Variants in CETP observed in about 807,000 individuals in gnomAD.
The protein encoded by CETP is cholesteryl ester transfer protein.
In CETP, 56 loss-of-function variants were observed where a neutral mutation model predicts 66.5. The observed-to-expected ratio is 0.84, with a 90% CI of 0.68 to 1.05. The LOEUF (loss-of-function observed/expected upper bound fraction) is 1.05. Ranked by LOEUF, CETP falls within the 50% of genes least tolerant of loss-of-function variation. The pLI, the probability that CETP is intolerant of heterozygous loss-of-function variation, is 0.00. For missense variants in CETP, 612 were observed against 609.6 expected, an observed-to-expected ratio of 1.00 and a Z score of -0.04; for synonymous variants, 251 against 245.7, an observed-to-expected ratio of 1.02 and a Z score of -0.20.
At chr16:56,981,991 G>A (rs1021775252) in intron 13 of CETP, among the ~76,000 whole-genome samples, 174 bp from the exon 14 acceptor site, 6 of 152,192 alleles carry the variant, frequency 3.9e-5, no homozygotes, top group Admixed American at 3.3e-4. Flanking sequence ...TCCCCAGGGC[G>A]AAGGAAAGAC....
At chr16:56,968,734 T>C in intron 2 of CETP, among the ~76,000 whole-genome samples, 1 of 152,058 alleles carries the variant, frequency 6.6e-6, no homozygotes, top group Middle Eastern at 3.4e-3. Flanking sequence ...TTCTTCTTTT[T>C]TTTTTTTTTT....
At position 56,974,379 on chromosome 16, in the gene CETP, G is replaced by A. The variant is rs535984455; in HGVS notation, c.931-722G>A. Among the ~76,000 whole-genome samples the A allele has an allele frequency of 5.9e-5, 9 of 152,298 alleles. No individual in the cohort carries two copies. The South Asian group carries it at 1.4e-3, about 25-fold the overall frequency. ...AGGGAGGATCACTTGAGCCCAAGAGGTTGAGGCTGCAGTGAGCTATGATGG... is the reference window on the plus strand; with the variant it reads ...AGGGAGGATCACTTGAGCCCAAGAGATTGAGGCTGCAGTGAGCTATGATGG... On this transcript the variant is annotated intron_variant, in intron 9 of 15. Transcript: ENST00000200676.
intron 11 of CETP, among the ~76,000 whole-genome samples, chr16:56,980,100 C>T (rs754473805): frequency 2.6e-5 from 4 of 152,210 alleles, no homozygotes; most frequent in South Asian, 2.1e-4. Flanking sequence ...AGTGTCATAG[C>T]GGAGAGATTA....
At chr16:56,981,415 A>C (rs561418855) in intron 12 of CETP, among the ~76,000 whole-genome samples, 190 bp downstream of exon 12, 1 of 47,106 alleles carries the variant, frequency 2.1e-5, no homozygotes, top group Non-Finnish European at 6.4e-5. Flanking sequence ...CTCCAGGAAG[A>C]ATGGAGGGCT....
At chr16:56,973,628 A>T in intron 9 of CETP, 118 bp downstream of exon 9, 1 of 1,130,276 alleles carries the variant, frequency 8.8e-7, no homozygotes, top group East Asian at 2.6e-5. Context: ...AAAAGAACTA[A>T]GCTGGAGCAA....
rs766986850 is a variant in CETP at position 56,962,094 on chromosome 16, G to T, written c.115G>T (p.Val39Leu). 4 of 1,612,950 alleles carry T rather than the reference G, an allele frequency of 2.5e-6. No individual in the cohort carries two copies. Among genetic ancestry groups the T allele is most frequent in the Non-Finnish European group, 2.5e-6 (3 of 1,179,054 alleles). ...VCRITKPALL[V>L]LNHETAKVIQ... ...CCGCATCACCAAGCCTGCCCTCCTGGTGTGTAAGTATCAGTGCATCTGTCT... is the reference window on the plus strand; with the variant it reads ...CCGCATCACCAAGCCTGCCCTCCTGTTGTGTAAGTATCAGTGCATCTGTCT... The change falls in exon 1 of 16, where the codon GTG becomes TTG. Residue 39 changes from valine to leucine, a missense_variant. Val to Leu is a conservative substitution (Grantham distance 32, BLOSUM62 1). Transcript: ENST00000200676.
chr16:56,972,363 C>T (rs1228230458), intron 8 of CETP, among the ~76,000 whole-genome samples: 5 of 147,704 alleles, frequency 3.4e-5, no homozygotes, highest in Non-Finnish European at 7.5e-5. Flanking sequence ...CGGCTTCTGT[C>T]ATCCTCTACA....
rs183439140 is a variant in CETP at position 56,976,116 on chromosome 16, C to T, written c.981+965C>T. ...TGTCTGAGTCCTGTTCCTTTGATGT[C>T]CTATTTCTAGTCTTTCCATTTCTCT... On this transcript the variant is annotated intron_variant, in intron 10 of 15. Transcript: ENST00000200676. Among the ~76,000 whole-genome samples, 626 of 152,242 alleles carry T rather than the reference C, an allele frequency of 4.1e-3. 1 individual carries two copies. Among genetic ancestry groups the T allele is most frequent in the Non-Finnish European group, 7.9e-3 (534 of 68,014 alleles).
At position 56,969,865 on chromosome 16, in the gene CETP, C is replaced by T. The variant is rs748614904; in HGVS notation, c.440-49C>T. The T allele has an allele frequency of 9.4e-6, 15 of 1,594,622 alleles. No homozygotes were observed. In the Admixed American group the frequency reaches 2.5e-4, roughly 27 times the overall value. On this transcript the variant is annotated intron_variant, in intron 4 of 15. Transcript: ENST00000200676. ...GACTGGCCTGGGCAGCATGTGGATA[C>T]CATCTGATAGCGGAGGCTGCCCTGA... is the stretch of plus-strand genomic sequence containing the variant.
At chr16:56,966,821 G>A (rs1300861092) in intron 2 of CETP, among the ~76,000 whole-genome samples, 2 of 150,582 alleles carry the variant, frequency 1.3e-5, no homozygotes, top group African/African-American at 2.4e-5. Context: ...CACCATGCTG[G>A]CCAGGCTGGT....
chr16:56,967,971 A>G (rs957084248), intron 2 of CETP, among the ~76,000 whole-genome samples: 14 of 19,492 alleles, frequency 7.2e-4, no homozygotes, highest in African/African-American at 1.7e-3. Context: ...ACAAGAAAGA[A>G]CAAACTAAAA....
Position 56,969,445 on chromosome 16 carries a change from C to G in CETP, c.293C>G (p.Ser98Cys), listed in dbSNP as rs2056091897. 1.9e-6 allele frequency: 3 copies of G among 1,614,076 alleles called. No individual in the cohort carries two copies. Among genetic ancestry groups the G allele is most frequent in the Admixed American group, 1.7e-5 (1 of 60,000 alleles). The change falls in exon 3 of 16, where the codon TCC becomes TGC. Residue 98 changes from serine (S) to cysteine (C), a missense_variant. Physicochemically the swap from Ser to Cys is moderately radical, Grantham distance 112. Transcript: ENST00000200676. Reference protein sequence around the residue: ...SSQVELVEAKSIDVSIQNVSV... With the variant: ...SSQVELVEAKCIDVSIQNVSV... ...CAGGTGGAGCTGGTGGAAGCCAAGT[C>G]CATTGATGTCTCCATTCAGAACGTG...
Position 56,975,130 on chromosome 16 carries a change from C to T in CETP, c.960C>T (p.Thr320=), listed in dbSNP as rs2056140513. ...TGCTGGAGACCTGGGGCTTCAACAC[C>T]AACCAGGAAATCTTCCAAGAGGTAA... ...KAVLETWGFN[T]NQEIFQEVVG... The change falls in exon 10 of 16, where the codon ACC becomes ACT. Residue 320 remains threonine (T), a synonymous_variant. Coordinates refer to ENST00000200676, the MANE Select transcript of CETP (RefSeq NM_000078.3). 5.0e-6 allele frequency: 8 copies of T among 1,613,968 alleles called. No individual in the cohort carries two copies. Among genetic ancestry groups the T allele is most frequent in the Non-Finnish European group, 6.8e-6 (8 of 1,179,836 alleles).
chr16:56,983,353 T>C lies in CETP; in HGVS notation c.1349T>C (p.Met450Thr), dbSNP rs2056201928. 1.2e-6 allele frequency: 2 copies of C among 1,614,250 alleles called. No homozygotes were observed. The highest frequency in any genetic ancestry group is 1.7e-6 in the Non-Finnish European group (2 of 1,180,044). The change falls in exon 15 of 16, where the codon ATG (methionine) becomes ACG (threonine). Residue 450 changes from methionine (M) to threonine (T), a missense_variant. By Grantham distance (81) the Met-to-Thr change is moderately conservative. Coordinates refer to ENST00000200676, the MANE Select transcript of CETP (RefSeq NM_000078.3). Reference sequence around the variant, plus strand: ...CTCGAGGTAGTGTTTACAGCCCTCATGAACAGCAAAGGCGTGAGCCTCTTC... The same window carrying C: ...CTCGAGGTAGTGTTTACAGCCCTCACGAACAGCAAAGGCGTGAGCCTCTTC... ...SRLEVVFTAL[M>T]NSKGVSLFDI...
At chr16:56,979,023 C>T (rs1008277102) in intron 11 of CETP, among the ~76,000 whole-genome samples, 1 of 151,856 alleles carries the variant, frequency 6.6e-6, no homozygotes, top group African/African-American at 2.4e-5. Context: ...GACAGGGTTT[C>T]GCTATGTGGG....
At position 56,962,997 on chromosome 16, in the gene CETP, C is replaced by T. The variant is rs772909141; in HGVS notation, c.119-13C>T. The T allele has an allele frequency of 6.2e-7, 1 of 1,611,606 alleles. No individual in the cohort carries two copies. Among genetic ancestry groups the T allele is most frequent in the South Asian group, 1.1e-5 (1 of 91,044 alleles). Reference sequence around the variant, plus strand: ...TGGGCCTGCAGCCCCTCATCCACTGCCCTCCCCTCTAGTGAACCACGAGAC... The same window carrying T: ...TGGGCCTGCAGCCCCTCATCCACTGTCCTCCCCTCTAGTGAACCACGAGAC... On this transcript the variant is annotated splice_polypyrimidine_tract_variant and intron_variant, in intron 1 of 15. Coordinates refer to ENST00000200676, the MANE Select transcript of CETP (RefSeq NM_000078.3).
rs557660317 is a variant in CETP at position 56,971,094 on chromosome 16, A to G, written c.589A>G (p.Lys197Glu). ...CTCCTTCACCCTGAAGCTGGTCCTGAAGGGACAGGTGAGTGAGGCTGGCTG... is the reference window on the plus strand; with the variant it reads ...CTCCTTCACCCTGAAGCTGGTCCTGGAGGGACAGGTGAGTGAGGCTGGCTG... ...FISFTLKLVL[K>E]GQICKEINVI... Residue 197 changes from lysine (K) to glutamate (E), a missense_variant, in exon 6 of 16, where the codon AAG becomes GAG. Physicochemically the swap from Lys to Glu is moderately conservative, Grantham distance 56. Coordinates refer to ENST00000200676, the MANE Select transcript of CETP (RefSeq NM_000078.3). 1.2e-6 allele frequency: 2 copies of G among 1,613,960 alleles called. No individual in the cohort carries two copies. Among genetic ancestry groups the G allele is most frequent in the Non-Finnish European group, 1.7e-6 (2 of 1,179,966 alleles).
intron 13 of CETP, 70 bp from the exon 14 acceptor site, chr16:56,982,095 C>A (rs35172227): frequency 5.8e-6 from 8 of 1,386,412 alleles, no homozygotes; most frequent in Non-Finnish European, 8.2e-6. Flanking sequence ...TTGTCCAGGC[C>A]GTGCAGCATC....
chr16:56,977,305 T>C (rs2056156634), intron 10 of CETP, among the ~76,000 whole-genome samples: 8 of 152,184 alleles, frequency 5.3e-5, no homozygotes, highest in Admixed American at 5.2e-4. Flanking sequence ...TGTGATCTCC[T>C]TGAGCCCAGT....
Sources: allele counts gnomAD v4.1 joint callset (sites outside exome capture counted in the v4.1 genomes callset), GRCh38; gene constraint gnomAD v4.1.1; transcripts MANE v1.5; gene names NCBI Gene and HGNC (gene_info 2026-07-23, HGNC 2026-07-21).